Variants in SH3RF3 observed in about 807,000 individuals in gnomAD.
The protein encoded by SH3RF3 is SH3 domain containing ring finger 3, also known as E3 ubiquitin-protein ligase SH3RF3.
Under a neutral mutation model 66.3 loss-of-function variants are expected in SH3RF3, and 29 were observed. That is an observed-to-expected ratio of 0.44 (90% CI 0.33 to 0.60). The LOEUF (loss-of-function observed/expected upper bound fraction) is 0.60. Among genes scored for constraint, SH3RF3 ranks in the 20% least tolerant of loss-of-function variants. The pLI, the probability that SH3RF3 is intolerant of heterozygous loss-of-function variation, is 0.04. For synonymous variants in SH3RF3, 583 were observed against 532.0 expected (o/e 1.10, Z -1.32); for missense variants, 1,194 against 1,190.9 (o/e 1.00, Z -0.04).
At chr2:109,303,261 C>T (rs568082425) in intron 1 of SH3RF3, among the ~76,000 whole-genome samples, 1 of 152,306 alleles carries the variant, frequency 6.6e-6, no homozygotes, top group Non-Finnish European at 1.5e-5. Context: ...GGACCACCTC[C>T]CTCACATATG....
chr2:109,429,773 G>C (rs971681266), intron 5 of SH3RF3, among the ~76,000 whole-genome samples: 1 of 152,206 alleles, frequency 6.6e-6, no homozygotes, highest in Non-Finnish European at 1.5e-5. Context: ...TGTGCAAGAA[G>C]GCCACAGACA....
At chr2:109,457,813 C>T (rs890723161) in intron 8 of SH3RF3, among the ~76,000 whole-genome samples, 1 of 152,176 alleles carries the variant, frequency 6.6e-6, no homozygotes, top group Non-Finnish European at 1.5e-5. Flanking sequence ...GAAAAACAAG[C>T]GCACACCCCA....
chr2:109,196,571 C>A lies in SH3RF3; in HGVS notation c.573+66458C>A, dbSNP rs1471047039. 3.3e-5 allele frequency among the ~76,000 whole-genome samples: 5 copies of A among 152,300 alleles called. No individual in the cohort carries two copies. In the East Asian group the frequency reaches 5.8e-4, roughly 18 times the overall value. ...TGGGTTTGTCGTCCTGCAAGAGTGG[C>A]CCTACATCATGTGGCTGGATGTGGA... On this transcript the variant is annotated intron_variant, in intron 1 of 9. Coordinates refer to ENST00000309415, the MANE Select transcript of SH3RF3 (RefSeq NM_001099289.3).
chr2:109,323,865 T>A (rs554961201), intron 1 of SH3RF3, among the ~76,000 whole-genome samples: 1 of 152,350 alleles, frequency 6.6e-6, no homozygotes, highest in South Asian at 2.1e-4. Flanking sequence ...TAAAAGTAAT[T>A]TGTAGTATAG....
chr2:109,467,502 C>T (rs1678385188), intron 8 of SH3RF3, among the ~76,000 whole-genome samples: 1 of 152,184 alleles, frequency 6.6e-6, no homozygotes, highest in Non-Finnish European at 1.5e-5. Flanking sequence ...GACAGCAGGA[C>T]TGGGGGGCTT....
intron 7 of SH3RF3, among the ~76,000 whole-genome samples, chr2:109,440,037 C>T (rs2104598205): frequency 6.6e-6 from 1 of 152,264 alleles, no homozygotes; most frequent in Admixed American, 6.5e-5. Flanking sequence ...AGTGTCTGAG[C>T]AGACAAAAGA....
intron 1 of SH3RF3, among the ~76,000 whole-genome samples, chr2:109,150,783 C>T (rs554624550): frequency 4.6e-5 from 7 of 152,136 alleles, no homozygotes; most frequent in African/African-American, 1.7e-4. Flanking sequence ...AAATCTCACA[C>T]TGTTACCTCC....
chr2:109,322,972 A>G (rs1193783725), intron 1 of SH3RF3, among the ~76,000 whole-genome samples: 1 of 150,964 alleles, frequency 6.6e-6, no homozygotes, highest in African/African-American at 2.5e-5. Context: ...AAGAGGCCAA[A>G]TCTGACTGTG....
intron 1 of SH3RF3, among the ~76,000 whole-genome samples, chr2:109,342,178 C>A (rs1682569675): frequency 6.6e-6 from 1 of 152,210 alleles, no homozygotes; most frequent in Non-Finnish European, 1.5e-5. Context: ...TGGAATGCCC[C>A]ACTTCTCATC....
At chr2:109,137,877 C>T (rs1326112998) in intron 1 of SH3RF3, among the ~76,000 whole-genome samples, 1 of 152,252 alleles carries the variant, frequency 6.6e-6, no homozygotes, top group East Asian at 1.9e-4. Flanking sequence ...ACTTGGAGTG[C>T]TCACCCATGT....
At position 109,267,501 on chromosome 2, in the gene SH3RF3, A is replaced by G. The variant is rs367964595; in HGVS notation, c.574-80173A>G. 2.6e-4 allele frequency among the ~76,000 whole-genome samples: 39 copies of G among 152,288 alleles called. No homozygotes were observed. The South Asian group carries it at 6.0e-3, about 23-fold the overall frequency. On this transcript the variant is annotated intron_variant, in intron 1 of 9. Coordinates refer to ENST00000309415, the MANE Select transcript of SH3RF3 (RefSeq NM_001099289.3). ...GTCAGTGTTGCTGAGACACAGGTGG[A>G]AAGTCTTTGTGCTTGCTTCTTTGAT...
intron 3 of SH3RF3, among the ~76,000 whole-genome samples, chr2:109,384,823 C>T (rs1197823389): frequency 1.3e-5 from 2 of 152,180 alleles, no homozygotes; most frequent in Admixed American, 6.5e-5. Flanking sequence ...GGCAGAAGGC[C>T]TCAGGGTAAC....
chr2:109,386,385 C>T (rs1048895000), intron 3 of SH3RF3, among the ~76,000 whole-genome samples: 22 of 151,948 alleles, frequency 1.4e-4, no homozygotes, highest in African/African-American at 4.8e-4. Context: ...GACCAAACAC[C>T]AGGGGGCCGC....
At chr2:109,497,331 C>G (rs765449759) in intron 9 of SH3RF3, among the ~76,000 whole-genome samples, 6 of 152,154 alleles carry the variant, frequency 3.9e-5, no homozygotes, top group Non-Finnish European at 7.3e-5. Flanking sequence ...AAAAGGCTAC[C>G]ACATGGAGGG....
intron 1 of SH3RF3, among the ~76,000 whole-genome samples, chr2:109,178,246 G>C (rs759978447): frequency 4.6e-4 from 70 of 152,166 alleles, no homozygotes; most frequent in Non-Finnish European, 7.8e-4. Context: ...TAAATTTCAG[G>C]AACTTAGTTG....
chr2:109,337,324 G>A (rs1020290280), intron 1 of SH3RF3, among the ~76,000 whole-genome samples: 9 of 152,244 alleles, frequency 5.9e-5, no homozygotes, highest in Non-Finnish European at 8.8e-5. Context: ...GGTGCAGGGT[G>A]CATCGGGCTG....
At position 109,347,958 on chromosome 2, in the gene SH3RF3, A is replaced by G; in HGVS notation, c.849+9A>G. 1 of 1,590,676 alleles carries G rather than the reference A, an allele frequency of 6.3e-7. No homozygotes were observed. Among genetic ancestry groups the G allele is most frequent in the Admixed American group, 1.8e-5 (1 of 56,722 alleles). On this transcript the variant is annotated intron_variant, in intron 2 of 9. Transcript: ENST00000309415. The stretch of plus-strand genomic sequence containing the variant: ...GTCTGACCTTCACCAAGGTAAGGTG[A>G]GCCCCGGGGTGGGCCCCGCCAGCCC...
intron 1 of SH3RF3, among the ~76,000 whole-genome samples, chr2:109,324,300 C>T (rs1226702598): frequency 6.6e-6 from 1 of 152,204 alleles, no homozygotes; most frequent in East Asian, 1.9e-4. Context: ...GGACAGGTTT[C>T]CACTGCTCTA....
intron 1 of SH3RF3, among the ~76,000 whole-genome samples, chr2:109,293,382 C>T (rs113015108): frequency 1.3e-5 from 2 of 152,362 alleles, no homozygotes; most frequent in East Asian, 3.9e-4. Flanking sequence ...AAAGGGGCTG[C>T]AGCCCTGTTC....
Sources: gnomAD v4.1 joint callset for allele counts (sites outside exome capture counted in the v4.1 genomes callset) on GRCh38, gnomAD v4.1.1 for gene constraint, MANE v1.5 for transcripts, NCBI Gene and HGNC (gene_info 2026-07-23, HGNC 2026-07-21) for gene names.